Variants in FGGY observed in about 807,000 individuals in gnomAD.
The protein encoded by FGGY is FGGY carbohydrate kinase domain-containing protein.
In FGGY, 72 loss-of-function variants were observed where a neutral mutation model predicts 71.3. The observed-to-expected ratio is 1.01, with a 90% CI of 0.84 to 1.23. FGGY has a LOEUF of 1.23. FGGY is among the 50% of genes most tolerant of loss of function. The pLI, the probability that FGGY is intolerant of heterozygous loss-of-function variation, is 0.00. For synonymous variants in FGGY, 251 were observed against 250.3 expected (o/e 1.00, Z -0.02); for missense variants, 668 against 682.3 (o/e 0.98, Z 0.23).
chr1:59,646,041 G>A (rs142364333), intron 11 of FGGY, among the ~76,000 whole-genome samples: 1 of 152,202 alleles, frequency 6.6e-6, no homozygotes. Flanking sequence ...ATCTTAGCCA[G>A]TTTCCAAGGG....
chr1:59,715,990 A>T (rs2097843393), intron 14 of FGGY, among the ~76,000 whole-genome samples: 1 of 152,242 alleles, frequency 6.6e-6, no homozygotes, highest in Non-Finnish European at 1.5e-5. Flanking sequence ...TGGCCCATAA[A>T]ACCTAAAATA....
intron 5 of FGGY, among the ~76,000 whole-genome samples, chr1:59,436,828 G>A (rs539683621): frequency 6.6e-6 from 1 of 152,170 alleles, no homozygotes; most frequent in Non-Finnish European, 1.5e-5. Context: ...GGCTTTTACT[G>A]TTGTAAATAG....
chr1:59,621,887 C>G lies in FGGY; in HGVS notation c.1012-4101C>G, dbSNP rs72666261. Among the ~76,000 whole-genome samples the G allele has an allele frequency of 8.3e-3, 1,257 of 151,650 alleles. 8 individuals carry two copies. Among genetic ancestry groups the G allele is most frequent in the Non-Finnish European group, 0.013 (879 of 67,810 alleles). The stretch of plus-strand genomic sequence containing the variant: ...TTTAATTTTTTTTTGTTTGTTTCTT[C>G]TCCTTGCTCTCTTCCCTCTTACTGT... On this transcript the variant is annotated intron_variant, in intron 9 of 15. Transcript: ENST00000303721.
chr1:59,539,792 A>C (rs892204411), intron 7 of FGGY, among the ~76,000 whole-genome samples: 2 of 152,208 alleles, frequency 1.3e-5, no homozygotes, highest in African/African-American at 2.4e-5. Flanking sequence ...AAAAGCTTCC[A>C]TTAAAAGAGT....
intron 4 of FGGY, among the ~76,000 whole-genome samples, chr1:59,373,079 G>T (rs1004416064): frequency 6.6e-6 from 1 of 152,130 alleles, no homozygotes; most frequent in African/African-American, 2.4e-5. Context: ...GCAGGAGAAG[G>T]AAAGAATGGG....
At chr1:59,687,185 G>C (rs917241347) in intron 14 of FGGY, among the ~76,000 whole-genome samples, 2 of 152,206 alleles carry the variant, frequency 1.3e-5, no homozygotes, top group Admixed American at 6.5e-5. Context: ...AATGACTGAT[G>C]TGCAGGCAGA....
At chr1:59,539,648 A>AACTAAAAAAT (rs1558278919) in intron 7 of FGGY, among the ~76,000 whole-genome samples, 1 of 152,234 alleles carries the variant, frequency 6.6e-6, no homozygotes, top group Non-Finnish European at 1.5e-5. Context: ...TTAAAAAAAT[A>AACTAAAAAAT]AAGTTCCTAA....
At chr1:59,646,312 T>C (rs2097093458) in intron 11 of FGGY, among the ~76,000 whole-genome samples, 1 of 151,800 alleles carries the variant, frequency 6.6e-6, no homozygotes, top group Admixed American at 6.6e-5. Context: ...CACTGATTTA[T>C]TCGGACTTTT....
chr1:59,495,778 A>G (rs1209971581), intron 6 of FGGY, among the ~76,000 whole-genome samples: 2 of 152,076 alleles, frequency 1.3e-5, no homozygotes, highest in African/African-American at 4.8e-5. Flanking sequence ...ACTTTGTTGA[A>G]GATCAGATTG....
At position 59,378,707 on chromosome 1, in the gene FGGY, A is replaced by G. The variant is rs112308710; in HGVS notation, c.466-42A>G. 13 of 1,565,252 alleles carry G rather than the reference A, an allele frequency of 8.3e-6. No individual in the cohort carries two copies. In the African/African-American group the frequency reaches 1.2e-4, roughly 15 times the overall value. ...ACATTATTGAAAGAGGAGATGGTAG[A>G]AAAACCCCCTAATTGATTCTAATAT... On this transcript the variant is annotated intron_variant, in intron 4 of 15. Coordinates refer to ENST00000303721, the MANE Select transcript of FGGY (RefSeq NM_018291.5).
At chr1:59,404,896 C>T (rs1252245933) in intron 5 of FGGY, among the ~76,000 whole-genome samples, 1 of 152,184 alleles carries the variant, frequency 6.6e-6, no homozygotes, top group Non-Finnish European at 1.5e-5. Flanking sequence ...TGCCGCTGAG[C>T]TCACATCCAC....
chr1:59,308,332 A>G (rs1000789180), intron 1 of FGGY, among the ~76,000 whole-genome samples: 2 of 152,190 alleles, frequency 1.3e-5, no homozygotes, highest in African/African-American at 4.8e-5. Context: ...TTAGGACTAG[A>G]GGGTAGGAGC....
chr1:59,424,598 T>C (rs1049838128), intron 5 of FGGY, among the ~76,000 whole-genome samples: 1 of 152,036 alleles, frequency 6.6e-6, no homozygotes, highest in Non-Finnish European at 1.5e-5. Flanking sequence ...CAAGAAAATA[T>C]GCAATTTAGT....
rs1014825676 is a variant in FGGY at position 59,479,172 on chromosome 1, T to C, written c.670+22096T>C. ...AAGAAGTTAATCACCCAAGGTCATA[T>C]AGCTGGGTTCAAGCCAAGACAGGTG... On this transcript the variant is annotated intron_variant, in intron 6 of 15. Coordinates refer to ENST00000303721, the MANE Select transcript of FGGY (RefSeq NM_018291.5). 1.1e-4 allele frequency among the ~76,000 whole-genome samples: 17 copies of C among 152,230 alleles called. No individual in the cohort carries two copies. In the South Asian group the frequency reaches 1.5e-3, roughly 13 times the overall value.
intron 2 of FGGY, among the ~76,000 whole-genome samples, chr1:59,333,888 A>G (rs1392408108): frequency 1.3e-5 from 2 of 152,228 alleles, no homozygotes; most frequent in Non-Finnish European, 2.9e-5. Context: ...CTGTGGGTCA[A>G]GGTACTACCA....
intron 5 of FGGY, among the ~76,000 whole-genome samples, chr1:59,388,825 T>A (rs2153371877): frequency 6.6e-6 from 1 of 152,312 alleles, no homozygotes; most frequent in African/African-American, 2.4e-5. Context: ...GGTATATAAT[T>A]CAGTGTCATG....
intron 6 of FGGY, among the ~76,000 whole-genome samples, chr1:59,473,604 A>G (rs1172489033): frequency 1.3e-5 from 2 of 152,220 alleles, no homozygotes; most frequent in African/African-American, 2.4e-5. Flanking sequence ...GGGTGTGGCC[A>G]GAGCATAGTG....
intron 7 of FGGY, among the ~76,000 whole-genome samples, chr1:59,545,140 T>C (rs1239530132): frequency 2.0e-5 from 3 of 152,204 alleles, no homozygotes; most frequent in Non-Finnish European, 2.9e-5. Flanking sequence ...ACTGCTAGAC[T>C]GGGATCTTGT....
At chr1:59,718,740 A>G (rs1451615904) in intron 14 of FGGY, among the ~76,000 whole-genome samples, 1 of 152,088 alleles carries the variant, frequency 6.6e-6, no homozygotes, top group Admixed American at 6.5e-5. Context: ...TCACCTACAC[A>G]TTGACACTCC....
Sources: gnomAD v4.1 joint callset for allele counts (sites outside exome capture counted in the v4.1 genomes callset) on GRCh38, gnomAD v4.1.1 for gene constraint, MANE v1.5 for transcripts, NCBI Gene and HGNC (gene_info 2026-07-23, HGNC 2026-07-21) for gene names.